KLF7: variants seen among roughly 807,000 people sequenced by gnomAD.
KLF7 encodes the protein Krueppel-like factor 7.
In KLF7, 2 loss-of-function variants were observed where a neutral mutation model predicts 27.3. The observed-to-expected ratio is 0.07, with a 90% CI of 0.03 to 0.23. The LOEUF (loss-of-function observed/expected upper bound fraction) is 0.23, where lower values mean the gene tolerates loss of function less well. KLF7 is among the 10% of genes least tolerant of loss of function. The probability of loss-of-function intolerance (pLI) is 1.00; values close to 1 mark genes in which losing one functional copy is unlikely to be tolerated. For synonymous variants in KLF7, 165 were observed against 162.4 expected (o/e 1.02, Z -0.12); for missense variants, 221 against 394.1 (o/e 0.56, Z 3.72).
chr2:207,121,976 C>A (rs181845634), intron 2 of KLF7: 21 of 152,378 alleles, frequency 1.4e-4, no homozygotes, highest in Admixed American at 1.0e-3. Flanking sequence ...CCAAAGACAA[C>A]ACAACATTCT....
chr2:207,116,649 T>C (rs888459694), intron 2 of KLF7, among the ~76,000 whole-genome samples: 1 of 152,220 alleles, frequency 6.6e-6, no homozygotes, highest in Non-Finnish European at 1.5e-5. Context: ...AAACAGCCTC[T>C]GTACATTATC....
chr2:207,156,538 T>C (rs2078388652), intron 1 of KLF7, among the ~76,000 whole-genome samples: 2 of 152,216 alleles, frequency 1.3e-5, no homozygotes, highest in African/African-American at 2.4e-5. Context: ...TGGAAAATCA[T>C]GGCCAAGGGC....
intron 2 of KLF7, among the ~76,000 whole-genome samples, chr2:207,091,253 T>G (rs2076504415): frequency 1.3e-5 from 2 of 152,208 alleles, no homozygotes; most frequent in South Asian, 4.1e-4. Flanking sequence ...TTTTGACAAA[T>G]AATATCAAGG....
chr2:207,094,656 C>T (rs1258345177), intron 2 of KLF7, among the ~76,000 whole-genome samples: 2 of 152,120 alleles, frequency 1.3e-5, no homozygotes, highest in South Asian at 2.1e-4. Flanking sequence ...ACAGAGTAAC[C>T]GGTGAATTTC....
intron 3 of KLF7, among the ~76,000 whole-genome samples, chr2:207,082,143 T>C (rs1350440774): frequency 6.6e-6 from 1 of 152,148 alleles, no homozygotes; most frequent in East Asian, 1.9e-4. Context: ...CACCAGCTAT[T>C]TGATATTCTC....
chr2:207,145,411 A>G (rs2078071843), intron 1 of KLF7, among the ~76,000 whole-genome samples: 1 of 152,246 alleles, frequency 6.6e-6, no homozygotes, highest in Non-Finnish European at 1.5e-5. Context: ...ATAAAGTATG[A>G]CAACTTTTTT....
intron 2 of KLF7, among the ~76,000 whole-genome samples, chr2:207,107,216 T>A (rs1264352939): frequency 1.3e-5 from 2 of 152,162 alleles, no homozygotes; most frequent in African/African-American, 4.8e-5. Context: ...TGGTGTTAAC[T>A]GCACAGAGAA....
chr2:207,166,253 C>A, upstream of KLF7: 2 of 918,632 alleles, frequency 2.2e-6, no homozygotes, highest in South Asian at 1.0e-4. Context: ...GGAGCAGAGC[C>A]TGGGGCGGGG....
chr2:207,094,130 C>A (rs954661288), intron 2 of KLF7, among the ~76,000 whole-genome samples: 5 of 152,200 alleles, frequency 3.3e-5, no homozygotes, highest in Non-Finnish European at 7.4e-5. Context: ...ATGTACTGTG[C>A]TATAAATTTG....
At chr2:207,119,648 C>T (rs1265334598) in intron 2 of KLF7, among the ~76,000 whole-genome samples, 2 of 152,178 alleles carry the variant, frequency 1.3e-5, no homozygotes, top group Non-Finnish European at 2.9e-5. Context: ...AACATTTTTA[C>T]ACTCATGCCA....
chr2:207,146,743 A>G (rs969096896), intron 1 of KLF7, among the ~76,000 whole-genome samples: 2 of 152,224 alleles, frequency 1.3e-5, no homozygotes, highest in African/African-American at 4.8e-5. Flanking sequence ...AAAAACCAGA[A>G]AAACGGAAGA....
At chr2:207,135,048 G>A (rs2077746882) in intron 1 of KLF7, among the ~76,000 whole-genome samples, 1 of 152,138 alleles carries the variant, frequency 6.6e-6, no homozygotes, top group South Asian at 2.1e-4. Context: ...TACCAAATAA[G>A]TTTCCAGGGG....
At chr2:207,166,553 C>G (rs2078718222), upstream of KLF7, 1 of 153,298 alleles carries the variant, frequency 6.5e-6, no homozygotes, top group Non-Finnish European at 1.4e-5. Flanking sequence ...TCGCGCGTCG[C>G]CGCGGCGGCC....
At chr2:207,114,992 G>A (rs79791944) in intron 2 of KLF7, among the ~76,000 whole-genome samples, 7,720 of 152,116 alleles carry the variant, frequency 0.051, 259 homozygotes, top group Middle Eastern at 0.088. Context: ...TAATGGAAAC[G>A]GATACATTTT....
intron 1 of KLF7, among the ~76,000 whole-genome samples, chr2:207,125,130 A>G (rs547140549): frequency 6.6e-6 from 1 of 152,364 alleles, no homozygotes; most frequent in African/African-American, 2.4e-5. Context: ...CTCTGACTAC[A>G]TGATAAAAAT....
intron 3 of KLF7, among the ~76,000 whole-genome samples, chr2:207,086,540 T>C (rs1232137211): frequency 6.6e-6 from 1 of 152,204 alleles, no homozygotes; most frequent in Non-Finnish European, 1.5e-5. Context: ...CCAGAAACTG[T>C]AGTGTATTTT....
chr2:207,080,576 A>C lies in KLF7; in HGVS notation c.*637T>G, dbSNP rs2076249056. The C allele has an allele frequency of 2.8e-6, 1 of 355,222 alleles. No homozygotes were observed. Among genetic ancestry groups the C allele is most frequent in the Non-Finnish European group, 5.0e-6 (1 of 199,300 alleles). The allele number at this position is 355,222 out of a possible 1,614,324, so 22.0% of individuals were successfully genotyped here. On this transcript the variant is annotated 3_prime_UTR_variant, in exon 4 of 4. Transcript: ENST00000309446. ...TGGGATCGACGCGAAAGATCTCAAT[A>C]GTACTAAGAACCAAAACCAGTCAAC...
At chr2:207,112,847 T>G (rs543879999) in intron 2 of KLF7, among the ~76,000 whole-genome samples, 87 of 152,378 alleles carry the variant, frequency 5.7e-4, no homozygotes, top group Non-Finnish European at 1.6e-4. Flanking sequence ...TTTTAGATTT[T>G]GCATCACATT....
intron 2 of KLF7, among the ~76,000 whole-genome samples, chr2:207,121,227 G>C (rs2077332280): frequency 6.6e-6 from 1 of 152,248 alleles, no homozygotes; most frequent in African/African-American, 2.4e-5. Context: ...ACATCCCATT[G>C]ATCAACCACT....
Sources: allele counts gnomAD v4.1 joint callset (sites outside exome capture counted in the v4.1 genomes callset), GRCh38; gene constraint gnomAD v4.1.1; transcripts MANE v1.5; gene names NCBI Gene and HGNC (gene_info 2026-07-23, HGNC 2026-07-21).